The following ARMC9 variants were observed in gnomAD, a reference collection of about 807,000 sequenced individuals.
ARMC9 encodes lisH domain-containing protein ARMC9.
A neutral mutation model predicts 107.0 loss-of-function variants in ARMC9; 94 were observed. The observed-to-expected ratio is 0.88, with a 90% CI of 0.74 to 1.04. The LOEUF (loss-of-function observed/expected upper bound fraction) is 1.04, where lower values mean the gene tolerates loss of function less well. Among genes scored for constraint, ARMC9 ranks in the 50% least tolerant of loss-of-function variants. The pLI is 0.00. For missense variants in ARMC9, 942 were observed against 1,030.1 expected (o/e 0.91, Z 1.17); for synonymous variants, 380 against 396.9 (o/e 0.96, Z 0.51).
rs2041353459 is a variant in ARMC9, at chr2:231,296,192, T to C, written c.1718-6T>C. ...CATTATTCATTGATTCTTTTTTTCT[T>C]TATAGAAGAGCTACCAGATGGTGTT... is the stretch of plus-strand genomic sequence containing the variant. On this transcript the variant is annotated splice_region_variant and splice_polypyrimidine_tract_variant and intron_variant, in intron 18 of 24. Transcript: ENST00000611582. The C allele has an allele frequency of 6.2e-7, 1 of 1,610,572 alleles. No individual in the cohort carries two copies. Among genetic ancestry groups the C allele is most frequent in the Non-Finnish European group, 8.5e-7 (1 of 1,177,768 alleles).
intron 3 of ARMC9, among the ~76,000 whole-genome samples, chr2:231,211,038 CATA>C (rs1411072114): frequency 6.6e-6 from 1 of 152,146 alleles, no homozygotes; most frequent in Non-Finnish European, 1.5e-5. Context: ...TTTCACTCAG[CATA>C]ATGTCGTCAA....
At chr2:231,257,899 A>G (rs2037981697) in intron 10 of ARMC9, among the ~76,000 whole-genome samples, 1 of 152,186 alleles carries the variant, frequency 6.6e-6, no homozygotes, top group Admixed American at 6.5e-5. Flanking sequence ...AAACAACAAT[A>G]AAACAAAACG....
At chr2:231,346,263 T>A (rs1018449307) in intron 21 of ARMC9, among the ~76,000 whole-genome samples, 1 of 152,230 alleles carries the variant, frequency 6.6e-6, no homozygotes, top group Non-Finnish European at 1.5e-5. Context: ...GGCTCACACC[T>A]GTAATCCCAG....
chr2:231,362,845 T>A lies in ARMC9; in HGVS notation c.2261+1962T>A, dbSNP rs2045646814. On this transcript the variant is annotated intron_variant, in intron 23 of 24. Transcript: ENST00000611582. This position sits in a 1 kb window ranked among gnomAD's most constrained non-coding sequence, Gnocchi z 4.7. ...GCTGACTTCAGCCCCAATTCAGGTC[T>A]CACTGAAGCATCCCTTCCTCCTGCC... is the stretch of plus-strand genomic sequence containing the variant. 6.5e-6 allele frequency: 1 copy of A among 154,266 alleles called. No individual in the cohort carries two copies. Among genetic ancestry groups the A allele is most frequent in the Non-Finnish European group, 1.5e-5 (1 of 68,196 alleles). The allele number at this position is 154,266 out of a possible 1,614,324, so 9.6% of individuals were successfully genotyped here.
chr2:231,202,006 T>TC (rs1189217571), intron 1 of ARMC9, among the ~76,000 whole-genome samples: 2 of 89,616 alleles, frequency 2.2e-5, no homozygotes, highest in Non-Finnish European at 4.8e-5. Flanking sequence ...TTTCTTTCTT[T>TC]TTTTTTTTTT....
intron 14 of ARMC9, among the ~76,000 whole-genome samples, chr2:231,276,364 G>T (rs550494850): frequency 2.0e-5 from 3 of 151,414 alleles, no homozygotes; most frequent in African/African-American, 7.3e-5. Context: ...TCTGCCTCCC[G>T]GGTTCAAGCA....
chr2:231,284,919 G>A (rs1031854941), intron 17 of ARMC9, among the ~76,000 whole-genome samples: 1 of 152,186 alleles, frequency 6.6e-6, no homozygotes, highest in African/African-American at 2.4e-5. Context: ...ATGGTAGTTA[G>A]CCAGAAGCGG....
At chr2:231,342,780 T>C (rs956834632) in intron 20 of ARMC9, among the ~76,000 whole-genome samples, 1 of 152,156 alleles carries the variant, frequency 6.6e-6, no homozygotes, top group Non-Finnish European at 1.5e-5. Context: ...GCAACTGCAT[T>C]TTAGTTTTTA....
chr2:231,211,627 T>G (rs539414204), intron 3 of ARMC9, among the ~76,000 whole-genome samples: 2 of 152,320 alleles, frequency 1.3e-5, no homozygotes, highest in East Asian at 3.9e-4. Flanking sequence ...CCAGAAGTAT[T>G]GCTGGATCAT....
intron 17 of ARMC9, among the ~76,000 whole-genome samples, chr2:231,282,451 G>T (rs1364709387): frequency 1.3e-5 from 2 of 152,180 alleles, no homozygotes; most frequent in Non-Finnish European, 2.9e-5. Flanking sequence ...TCTAGGACTT[G>T]GTTTGGTTGG....
chr2:231,285,915 C>G (rs1402555766), intron 17 of ARMC9, among the ~76,000 whole-genome samples: 1 of 152,142 alleles, frequency 6.6e-6, no homozygotes, highest in East Asian at 1.9e-4. Context: ...GTAGGTCTCA[C>G]ATGGGTGCAT....
intron 14 of ARMC9, among the ~76,000 whole-genome samples, chr2:231,275,401 T>G (rs1334152911): frequency 6.6e-6 from 1 of 152,228 alleles, no homozygotes; most frequent in Non-Finnish European, 1.5e-5. Flanking sequence ...ACACTTAGTC[T>G]CAGCAATTCT....
rs2030142607 is a variant in ARMC9, at chr2:231,198,714, G to A, written c.-42+16G>A. The A allele has an allele frequency of 6.6e-6, 1 of 152,316 alleles. No homozygotes were observed. Among genetic ancestry groups the A allele is most frequent in the Non-Finnish European group, 1.5e-5 (1 of 68,120 alleles). 9.4% of individuals were successfully genotyped at this position (152,316 alleles called of 1,614,324 possible). A position where few individuals can be genotyped will look rare whatever the true frequency, so the allele number is the denominator to read the frequency against. On this transcript the variant is annotated intron_variant, in intron 1 of 24. Coordinates refer to ENST00000611582, the MANE Select transcript of ARMC9 (RefSeq NM_001352754.2). ...CGAGCAGCAGGTAAGCGCGTCCCCG[G>A]ATGCAGCCGGGCCACCCTCCGCCCG...
intron 12 of ARMC9, among the ~76,000 whole-genome samples, chr2:231,262,835 T>A (rs1216620024): frequency 6.6e-6 from 1 of 152,094 alleles, no homozygotes; most frequent in Non-Finnish European, 1.5e-5. Context: ...GTATGAGACT[T>A]GGGGTAAAAT....
intron 19 of ARMC9, among the ~76,000 whole-genome samples, chr2:231,323,161 C>T (rs796984587): frequency 3.3e-5 from 5 of 152,026 alleles, no homozygotes; most frequent in African/African-American, 9.7e-5. Context: ...TGCACTCCAA[C>T]GTGAGCTACA....
intron 6 of ARMC9, among the ~76,000 whole-genome samples, chr2:231,225,391 A>G (rs1268360503): frequency 1.3e-5 from 2 of 152,254 alleles, no homozygotes; most frequent in Non-Finnish European, 2.9e-5. Context: ...ACATATGTCC[A>G]CAAAACAACC....
At chr2:231,361,884 A>G (rs2045600891) in intron 23 of ARMC9, among the ~76,000 whole-genome samples, 1 of 152,190 alleles carries the variant, frequency 6.6e-6, no homozygotes, top group Non-Finnish European at 1.5e-5. Flanking sequence ...AGGAAGAGAA[A>G]TCAATGGGGA....
intron 9 of ARMC9, among the ~76,000 whole-genome samples, chr2:231,246,013 T>C (rs1461547729): frequency 6.6e-6 from 1 of 152,120 alleles, no homozygotes; most frequent in Non-Finnish European, 1.5e-5. Context: ...AGGTAGAAAT[T>C]CGAGCTCCTG....
chr2:231,365,621 G>C (rs969939513), intron 23 of ARMC9, among the ~76,000 whole-genome samples: 3 of 152,084 alleles, frequency 2.0e-5, no homozygotes, highest in Non-Finnish European at 4.4e-5. Context: ...GTGGGGAAAC[G>C]GGCCAGAACA....
Sources: gnomAD v4.1 joint callset for allele counts (sites outside exome capture counted in the v4.1 genomes callset) on GRCh38, gnomAD v4.1.1 for gene constraint, Gnocchi (gnomAD v3.1) non-coding constraint, MANE v1.5 for transcripts, NCBI Gene and HGNC (gene_info 2026-07-23, HGNC 2026-07-21) for gene names.